The following HIVEP3 variants were observed in gnomAD, a reference collection of about 807,000 sequenced individuals.
HIVEP3 encodes the protein HIVEP zinc finger 3.
In HIVEP3, 49 loss-of-function variants were observed where a neutral mutation model predicts 152.8. The observed-to-expected ratio is 0.32, with a 90% confidence interval of 0.26 to 0.41. The LOEUF is 0.41. Ranked by LOEUF, HIVEP3 falls within the 10% of genes least tolerant of loss-of-function variation. The pLI, the probability that HIVEP3 is intolerant of heterozygous loss-of-function variation, is 1.00. For missense variants in HIVEP3, 2,790 were observed against 3,103.3 expected, an observed-to-expected ratio of 0.90 and a Z score of 2.40; for synonymous variants, 1,269 against 1,289.0, an observed-to-expected ratio of 0.98 and a Z score of 0.33.
At position 42,027,215 on chromosome 1, in the gene HIVEP3, C is replaced by A. The variant is rs1408527600; in HGVS notation, n.119+8592G>T. On this transcript the variant is annotated intron_variant and non_coding_transcript_variant, in intron 1 of 3. Coordinates refer to the HIVEP3 transcript ENST00000489103. ...TCACACACATAACCAACATCTAATA[C>A]ATTGGCAAATTCTGTCAATGCTACC... Among the ~76,000 whole-genome samples, 3 of 152,190 alleles carry A rather than the reference C, an allele frequency of 2.0e-5. No homozygotes were observed. The South Asian group carries it at 6.2e-4, about 32-fold the overall frequency.
intron 1 of HIVEP3, among the ~76,000 whole-genome samples, chr1:41,976,895 C>T (rs1469497657): frequency 6.6e-6 from 1 of 152,190 alleles, no homozygotes; most frequent in Non-Finnish European, 1.5e-5. Context: ...AGAGGGAGCA[C>T]GGCCTTGTGG....
intron 1 of HIVEP3, among the ~76,000 whole-genome samples, chr1:41,884,574 G>A (rs1644314357): frequency 6.6e-6 from 1 of 152,248 alleles, no homozygotes; most frequent in South Asian, 2.1e-4. Context: ...GGTTAGCCAT[G>A]GAGGGTGGGC....
intron 5 of HIVEP3, among the ~76,000 whole-genome samples, chr1:41,527,961 AC>A (rs1288809014): frequency 8.1e-6 from 1 of 123,608 alleles, no homozygotes; most frequent in Non-Finnish European, 1.7e-5. Flanking sequence ...TGCACCCCAC[AC>A]CCTTGCATTC....
intron 1 of HIVEP3, among the ~76,000 whole-genome samples, chr1:41,801,778 T>C (rs979652744): frequency 6.6e-6 from 1 of 151,726 alleles, no homozygotes; most frequent in South Asian, 2.1e-4. Context: ...AAAATGCCCC[T>C]AGGGGTCCAG....
intron 1 of HIVEP3, among the ~76,000 whole-genome samples, chr1:41,789,937 C>A (rs115837477): frequency 6.6e-6 from 1 of 152,200 alleles, no homozygotes; most frequent in Admixed American, 6.5e-5. Context: ...TGTCATCAGA[C>A]AGGATCACAC....
chr1:41,835,746 T>C (rs1643103420), intron 1 of HIVEP3, among the ~76,000 whole-genome samples: 1 of 152,214 alleles, frequency 6.6e-6, no homozygotes, highest in African/African-American at 2.4e-5. Flanking sequence ...TCAGAAGTGC[T>C]GTGGTAGGGC....
At chr1:41,587,552 T>C (rs1173598573) in intron 3 of HIVEP3, among the ~76,000 whole-genome samples, 1 of 152,242 alleles carries the variant, frequency 6.6e-6, no homozygotes, top group Non-Finnish European at 1.5e-5. Flanking sequence ...CAATTAATAT[T>C]TGCCTTACGG....
intron 1 of HIVEP3, among the ~76,000 whole-genome samples, chr1:41,843,008 C>T (rs930297986): frequency 2.6e-5 from 4 of 152,128 alleles, no homozygotes; most frequent in Admixed American, 2.6e-4. Context: ...AAGCAATGTA[C>T]CCTGGAAATT....
At chr1:41,680,625 G>A (rs1646024344) in intron 2 of HIVEP3, among the ~76,000 whole-genome samples, 1 of 152,186 alleles carries the variant, frequency 6.6e-6, no homozygotes, top group Admixed American at 6.5e-5. Context: ...GCTCTGCTCT[G>A]TGATTCTCAT....
intron 5 of HIVEP3, chr1:41,543,883 G>A (rs185039206): frequency 1.2e-4 from 19 of 152,278 alleles, no homozygotes; most frequent in African/African-American, 3.1e-4. Flanking sequence ...CTCCTACAAT[G>A]GTCCAATCTC....
At chr1:41,720,547 A>G (rs185530767) in intron 1 of HIVEP3, among the ~76,000 whole-genome samples, 3 of 152,184 alleles carry the variant, frequency 2.0e-5, no homozygotes, top group Admixed American at 2.0e-4. Context: ...TCAGGCTCTA[A>G]TGTCAAGAGG....
chr1:41,731,143 C>CTGTCAAGAATGCAAATGCCACTGAG (rs761027693), intron 1 of HIVEP3, among the ~76,000 whole-genome samples: 84 of 152,242 alleles, frequency 5.5e-4, no homozygotes, highest in Non-Finnish European at 1.1e-3. Flanking sequence ...CTGCGTACAG[C>CTGTCAAGAATGCAAATGCCACTGAG]TGTCAAGAAT....
Position 42,007,310 on chromosome 1 carries a change from C to G in HIVEP3, n.119+28497G>C, listed in dbSNP as rs114760183. Among the ~76,000 whole-genome samples the G allele has an allele frequency of 7.4e-3, 1,128 of 152,290 alleles. 13 individuals carry two copies. Among genetic ancestry groups the G allele is most frequent in the African/African-American group, 0.026 (1,092 of 41,556 alleles). On this transcript the variant is annotated intron_variant and non_coding_transcript_variant, in intron 1 of 3. Coordinates refer to the HIVEP3 transcript ENST00000489103. ...CACTGCAGTTCTCTTCAAGTGTGAG[C>G]ATTTTGACATCTTGAGTGGGATTCT...
chr1:41,833,427 GA>G (rs55956205), intron 1 of HIVEP3, among the ~76,000 whole-genome samples: 122,835 of 151,942 alleles, frequency 0.81, 49,843 homozygotes, highest in East Asian at 1. Flanking sequence ...CTTAGAGAAG[GA>G]AAAAAACTAA....
chr1:41,639,005 C>A (rs1390043742), intron 2 of HIVEP3, among the ~76,000 whole-genome samples: 1 of 152,174 alleles, frequency 6.6e-6, no homozygotes, highest in African/African-American at 2.4e-5. Context: ...GCCCTGAGGC[C>A]CCTGCCACCC....
chr1:41,707,019 G>A (rs1266880877), intron 1 of HIVEP3, among the ~76,000 whole-genome samples: 2 of 152,218 alleles, frequency 1.3e-5, no homozygotes, highest in African/African-American at 4.8e-5. Flanking sequence ...GTTTTAGCCA[G>A]AGAATATTTT....
chr1:41,995,555 T>C lies in HIVEP3; in HGVS notation n.119+40252A>G, dbSNP rs1645391149. Among the ~76,000 whole-genome samples, 3 of 152,082 alleles carry C rather than the reference T, an allele frequency of 2.0e-5. No homozygotes were observed. The South Asian group carries it at 6.2e-4, about 32-fold the overall frequency. Reference sequence around the variant, plus strand: ...GTGATCCCAGATGAAAGATCTGAGATACAATAAGAAAAGCAGAAAAAGTAA... The same window carrying C: ...GTGATCCCAGATGAAAGATCTGAGACACAATAAGAAAAGCAGAAAAAGTAA... On this transcript the variant is annotated intron_variant and non_coding_transcript_variant, in intron 1 of 3. Transcript: ENST00000489103.
intron 3 of HIVEP3, among the ~76,000 whole-genome samples, chr1:41,626,548 A>G (rs1332240835): frequency 2.0e-5 from 3 of 151,800 alleles, no homozygotes; most frequent in African/African-American, 7.3e-5. Context: ...CCCCATCTGT[A>G]CTCCCTGGAC....
intron 1 of HIVEP3, among the ~76,000 whole-genome samples, chr1:41,787,913 G>T (rs898037311): frequency 3.3e-5 from 5 of 152,138 alleles, no homozygotes; most frequent in Non-Finnish European, 7.4e-5. Context: ...TGTGGGGAGG[G>T]GGGTGTGGAT....
Sources: allele counts gnomAD v4.1 joint callset (sites outside exome capture counted in the v4.1 genomes callset), GRCh38; gene constraint gnomAD v4.1.1; transcripts MANE v1.5; gene names NCBI Gene and HGNC (gene_info 2026-07-23, HGNC 2026-07-21).